ACVR1B: variants seen among roughly 807,000 people sequenced by gnomAD.
ACVR1B encodes the protein activin A receptor type 1B.
Under a neutral mutation model 55.6 loss-of-function variants are expected in ACVR1B, and 15 were observed. The observed-to-expected ratio is 0.27, with a 90% confidence interval of 0.18 to 0.42. ACVR1B has a LOEUF of 0.42. Ranked by LOEUF, ACVR1B falls within the 10% of genes least tolerant of loss-of-function variation. The pLI is 1.00. For synonymous variants in ACVR1B, 247 were observed against 254.6 expected (o/e 0.97, Z 0.28); for missense variants, 359 against 670.1 (o/e 0.54, Z 5.13).
At chr12:51,952,238 G>T (rs1413895986) in intron 1 of ACVR1B, among the ~76,000 whole-genome samples, 1 of 152,138 alleles carries the variant, frequency 6.6e-6, no homozygotes, top group South Asian at 2.1e-4. Context: ...CTCCTGGGGG[G>T]CGTCTTTCTC....
intron 7 of ACVR1B, among the ~76,000 whole-genome samples, chr12:51,988,936 G>A (rs1235388791): frequency 6.6e-6 from 1 of 152,040 alleles, no homozygotes; most frequent in African/African-American, 2.4e-5. Context: ...TGGGCTACAT[G>A]GTGAAACTCT....
intron 1 of ACVR1B, among the ~76,000 whole-genome samples, chr12:51,973,616 A>G (rs1018232741): frequency 7.2e-5 from 11 of 152,360 alleles, no homozygotes; most frequent in African/African-American, 2.2e-4. Context: ...ATAAAAATTC[A>G]GGAGAAATTT....
chr12:51,953,829 G>T (rs1941358235), intron 1 of ACVR1B, among the ~76,000 whole-genome samples: 1 of 152,076 alleles, frequency 6.6e-6, no homozygotes, highest in Non-Finnish European at 1.5e-5. Context: ...TCATTTTTTT[G>T]TAACCTTCCT....
intron 3 of ACVR1B, among the ~76,000 whole-genome samples, 156 bp downstream of exon 3, chr12:51,976,731 G>C (rs1196366528): frequency 1.3e-5 from 2 of 151,832 alleles, no homozygotes; most frequent in Non-Finnish European, 2.9e-5. Flanking sequence ...AGTCTGACGT[G>C]TAATAAGATA....
chr12:51,971,165 G>A (rs1228577949), intron 1 of ACVR1B, among the ~76,000 whole-genome samples: 4 of 152,156 alleles, frequency 2.6e-5, no homozygotes, highest in African/African-American at 7.2e-5. Context: ...TCTATAACAC[G>A]GAGCTAGACA....
chr12:51,973,782 A>T (rs182369235), intron 1 of ACVR1B, among the ~76,000 whole-genome samples: 1 of 152,208 alleles, frequency 6.6e-6, no homozygotes, highest in African/African-American at 2.4e-5. Flanking sequence ...GAAACGTGAA[A>T]AAATACAACA....
intron 4 of ACVR1B, among the ~76,000 whole-genome samples, chr12:51,983,572 G>C (rs909879570): frequency 2.6e-5 from 4 of 152,218 alleles, no homozygotes; most frequent in Admixed American, 1.3e-4. Flanking sequence ...AGGCTTTCCT[G>C]TTTGGTGGTG....
intron 4 of ACVR1B, chr12:51,982,845 A>G: frequency 2.0e-6 from 3 of 1,467,208 alleles, no homozygotes; most frequent in Non-Finnish European, 2.7e-6. Flanking sequence ...ACCTTTTGAT[A>G]AAATTTAAAT....
At chr12:51,963,354 C>T (rs1941573933) in intron 1 of ACVR1B, among the ~76,000 whole-genome samples, 2 of 152,166 alleles carry the variant, frequency 1.3e-5, no homozygotes, top group Admixed American at 1.3e-4. Context: ...AAGCGATTCT[C>T]CTGTCTCAAC....
At chr12:51,963,154 A>G (rs2120484780) in intron 1 of ACVR1B, among the ~76,000 whole-genome samples, 1 of 152,262 alleles carries the variant, frequency 6.6e-6, no homozygotes, top group Middle Eastern at 3.4e-3. Context: ...GTACTATTTT[A>G]ATTGTACAAT....
Position 51,984,176 on chromosome 12 carries a change from C to T in ACVR1B, c.979+10C>T, listed in dbSNP as rs1173697096. 1.2e-6 allele frequency: 2 copies of T among 1,613,902 alleles called. No homozygotes were observed. Among genetic ancestry groups the T allele is most frequent in the African/African-American group, 1.3e-5 (1 of 74,928 alleles). On this transcript the variant is annotated intron_variant, in intron 5 of 8. Transcript: ENST00000257963. Reference sequence around the variant, plus strand: ...ATCGTGGGCACCCAAGGTGAGTGGACTAGCGCAGGAGCGGCGAAGTGGTGT... The same window carrying T: ...ATCGTGGGCACCCAAGGTGAGTGGATTAGCGCAGGAGCGGCGAAGTGGTGT...
intron 1 of ACVR1B, among the ~76,000 whole-genome samples, chr12:51,963,746 G>T (rs1228673452): frequency 1.3e-5 from 2 of 152,180 alleles, no homozygotes; most frequent in Non-Finnish European, 2.9e-5. Context: ...GTACTGTTGA[G>T]AATATTCATG....
rs552414262 is a variant in ACVR1B at position 51,952,083 on chromosome 12, C to T, written c.91+249C>T. ...GCCCTGTTCCAGGCGGAACTGGATT[C>T]GGGCAGTTCTCAGGGGTCGCGCTCC... On this transcript the variant is annotated intron_variant, in intron 1 of 8. Coordinates refer to ENST00000257963, the MANE Select transcript of ACVR1B (RefSeq NM_004302.5). Among the ~76,000 whole-genome samples, 37 of 152,210 alleles carry T rather than the reference C, an allele frequency of 2.4e-4. No homozygotes were observed. The South Asian group carries it at 7.5e-3, about 31-fold the overall frequency.
chr12:51,969,128 G>C (rs1941696412), intron 1 of ACVR1B, among the ~76,000 whole-genome samples: 1 of 152,134 alleles, frequency 6.6e-6, no homozygotes, highest in South Asian at 2.1e-4. Flanking sequence ...AGATGTTGTG[G>C]AGTAGAGATA....
chr12:51,976,840 C>T (rs146537768), intron 3 of ACVR1B, among the ~76,000 whole-genome samples: 7 of 152,318 alleles, frequency 4.6e-5, no homozygotes, highest in African/African-American at 1.7e-4. Flanking sequence ...AGCTTTGCAA[C>T]TGTACGTACA....
chr12:51,964,922 ATTGT>A (rs1317648721), intron 1 of ACVR1B, among the ~76,000 whole-genome samples: 1 of 150,926 alleles, frequency 6.6e-6, no homozygotes, highest in Admixed American at 6.6e-5. Context: ...TTCTCCCAAG[ATTGT>A]TTGGACTATT....
intron 6 of ACVR1B, among the ~76,000 whole-genome samples, chr12:51,985,956 C>A (rs1809235036): frequency 1.3e-5 from 2 of 152,024 alleles, no homozygotes; most frequent in Admixed American, 6.6e-5. Context: ...TAAGATTATC[C>A]CCTGATTTAT....
intron 6 of ACVR1B, among the ~76,000 whole-genome samples, chr12:51,985,833 T>A (rs1051997708): frequency 3.3e-5 from 5 of 151,918 alleles, no homozygotes; most frequent in African/African-American, 1.2e-4. Flanking sequence ...CATGCAGAAG[T>A]GAGGTAAGAA....
intron 1 of ACVR1B, among the ~76,000 whole-genome samples, chr12:51,955,028 G>A (rs2120417952): frequency 6.6e-6 from 1 of 152,326 alleles, no homozygotes; most frequent in South Asian, 2.1e-4. Context: ...CGACTAGGCA[G>A]CATACCTGTG....
Sources: gnomAD v4.1 joint callset for allele counts (sites outside exome capture counted in the v4.1 genomes callset) on GRCh38, gnomAD v4.1.1 for gene constraint, MANE v1.5 for transcripts, NCBI Gene and HGNC (gene_info 2026-07-23, HGNC 2026-07-21) for gene names.